Variants in DOCK4 observed in about 807,000 individuals in gnomAD.
DOCK4 encodes the protein dedicator of cytokinesis 4, also known as dedicator of cytokinesis protein 4.
In DOCK4, 97 loss-of-function variants were observed where a neutral mutation model predicts 268.1. The ratio of observed to expected loss-of-function variants is 0.36; its 90% CI spans 0.31 to 0.43. The LOEUF (loss-of-function observed/expected upper bound fraction) is 0.43. Among genes scored for constraint, DOCK4 ranks in the 20% least tolerant of loss-of-function variants. The pLI is 1.00. For synonymous variants in DOCK4, 954 were observed against 887.2 expected, an observed-to-expected ratio of 1.08 and a Z score of -1.34; for missense variants, 2,145 against 2,455.7, an observed-to-expected ratio of 0.87 and a Z score of 2.67.
At chr7:111,808,932 T>C (rs1800870287) in intron 29 of DOCK4, 53 bp from the exon 30 acceptor site, 2 of 1,563,478 alleles carry the variant, frequency 1.3e-6, no homozygotes, top group South Asian at 1.1e-5. Context: ...AACAAGGAAG[T>C]ATTTGTGTGT....
chr7:111,903,003 T>C lies in DOCK4; in HGVS notation c.1193-1202A>G, dbSNP rs536311938. On this transcript the variant is annotated intron_variant, in intron 13 of 52. Coordinates refer to ENST00000428084, the MANE Select transcript of DOCK4 (RefSeq NM_001363540.2). ...CCAGGGTGGTCTCGATCTCCTGACC[T>C]TGAATACTCTGTTTTCTAATAAAAA... is the stretch of plus-strand genomic sequence containing the variant. Among the ~76,000 whole-genome samples the C allele has an allele frequency of 4.6e-5, 7 of 152,328 alleles. No individual in the cohort carries two copies. The South Asian group carries it at 1.2e-3, about 27-fold the overall frequency.
intron 1 of DOCK4, among the ~76,000 whole-genome samples, chr7:112,056,715 G>A (rs1336203030): frequency 2.0e-5 from 3 of 152,120 alleles, no homozygotes; most frequent in South Asian, 2.1e-4. Context: ...GAAAGAAAAC[G>A]TGGATTAAAA....
In DOCK4 at chr7:112,059,423, C is replaced by T. The variant is rs566229697; in HGVS notation, c.38-55292G>A. ...TCCCAAAGTGCTGGGATTACAGGCGCGAGCCACCACCCCACCCGCGTTTCC... is the reference window on the plus strand; with the variant it reads ...TCCCAAAGTGCTGGGATTACAGGCGTGAGCCACCACCCCACCCGCGTTTCC... On this transcript the variant is annotated intron_variant, in intron 1 of 52. Transcript: ENST00000428084. Among the ~76,000 whole-genome samples the T allele has an allele frequency of 1.1e-4, 16 of 151,862 alleles. 1 individual carries two copies. The highest frequency in any genetic ancestry group is 2.1e-4 in the South Asian group (1 of 4,822).
intron 1 of DOCK4, among the ~76,000 whole-genome samples, chr7:112,173,187 C>A (rs530394820): frequency 6.6e-6 from 1 of 152,142 alleles, no homozygotes; most frequent in Non-Finnish European, 1.5e-5. Flanking sequence ...GACATTTTAT[C>A]CAAACACCAG....
intron 16 of DOCK4, among the ~76,000 whole-genome samples, chr7:111,882,176 T>A (rs1388466678): frequency 2.0e-5 from 3 of 152,162 alleles, no homozygotes; most frequent in Non-Finnish European, 4.4e-5. Flanking sequence ...TACCAAAATA[T>A]CTCATATACC....
At chr7:111,987,777 A>G (rs1799168622) in intron 6 of DOCK4, among the ~76,000 whole-genome samples, 1 of 152,254 alleles carries the variant, frequency 6.6e-6, no homozygotes, top group African/African-American at 2.4e-5. Context: ...CTAAGAAAGC[A>G]GAGCTCCCAG....
At chr7:112,020,481 A>C (rs1802219068) in intron 1 of DOCK4, among the ~76,000 whole-genome samples, 1 of 152,062 alleles carries the variant, frequency 6.6e-6, no homozygotes, top group Non-Finnish European at 1.5e-5. Flanking sequence ...GCTTATCCCG[A>C]CTGGTCTCGT....
chr7:112,137,944 GCA>G (rs1176432853), intron 1 of DOCK4, among the ~76,000 whole-genome samples: 5 of 152,152 alleles, frequency 3.3e-5, no homozygotes, highest in Admixed American at 1.3e-4. Context: ...ATAGTGCTTA[GCA>G]CACAGTCAAC....
In DOCK4 at chr7:111,868,157, T is replaced by C. The variant is rs1806125520; in HGVS notation, c.2110-3A>G. ...TACTTAAAAATGTATTCTTGTGCCT[T>C]AAAAATACAATTTTTAAAAGTTAGC... On this transcript the variant is annotated splice_region_variant and splice_polypyrimidine_tract_variant and intron_variant, in intron 21 of 52. Coordinates refer to ENST00000428084, the MANE Select transcript of DOCK4 (RefSeq NM_001363540.2). 1 of 1,567,164 alleles carries C rather than the reference T, an allele frequency of 6.4e-7. No individual in the cohort carries two copies. Among genetic ancestry groups the C allele is most frequent in the Non-Finnish European group, 8.6e-7 (1 of 1,158,626 alleles).
intron 1 of DOCK4, among the ~76,000 whole-genome samples, chr7:112,118,009 G>A (rs535024219): frequency 2.2e-4 from 34 of 152,208 alleles, no homozygotes; most frequent in Middle Eastern, 3.4e-3. Flanking sequence ...CCAGAGCCAG[G>A]AAAATCCATG....
intron 30 of DOCK4, among the ~76,000 whole-genome samples, chr7:111,800,146 CACTTTAAG>C (rs1223059113): frequency 1.3e-5 from 2 of 151,236 alleles, no homozygotes; most frequent in African/African-American, 4.9e-5. Context: ...TAATACAATG[CACTTTAAG>C]CTAGGAAAAG....
intron 1 of DOCK4, among the ~76,000 whole-genome samples, chr7:112,052,070 T>C (rs1278104933): frequency 2.0e-5 from 3 of 152,148 alleles, no homozygotes; most frequent in African/African-American, 7.2e-5. Flanking sequence ...CATCCCCCCA[T>C]ATACTTTAAA....
chr7:112,181,639 CAAAAAAA>C (rs55807955), intron 1 of DOCK4, among the ~76,000 whole-genome samples: 12 of 65,378 alleles, frequency 1.8e-4, no homozygotes, highest in African/African-American at 8.2e-4. Context: ...GACACTGTCT[CAAAAAAA>C]AAAAAAAAAA....
At chr7:112,138,296 A>G (rs1814554236) in intron 1 of DOCK4, among the ~76,000 whole-genome samples, 1 of 152,178 alleles carries the variant, frequency 6.6e-6, no homozygotes, top group Non-Finnish European at 1.5e-5. Flanking sequence ...AGTACTTACT[A>G]TTTTGTCACA....
intron 30 of DOCK4, among the ~76,000 whole-genome samples, chr7:111,791,461 T>G (rs1264906728): frequency 6.6e-6 from 1 of 151,876 alleles, no homozygotes; most frequent in South Asian, 2.1e-4. Context: ...TTTTTTGTTT[T>G]TTTTTTGACA....
intron 1 of DOCK4, among the ~76,000 whole-genome samples, chr7:112,145,238 T>C (rs1815355671): frequency 6.6e-6 from 1 of 152,154 alleles, no homozygotes; most frequent in Non-Finnish European, 1.5e-5. Flanking sequence ...AATGAGGATA[T>C]TTTATAGGCA....
intron 16 of DOCK4, among the ~76,000 whole-genome samples, chr7:111,878,040 G>C (rs1233798288): frequency 6.6e-6 from 1 of 152,160 alleles, no homozygotes; most frequent in Non-Finnish European, 1.5e-5. Context: ...ATCACATCTA[G>C]ATTCAACTTC....
intron 30 of DOCK4, among the ~76,000 whole-genome samples, chr7:111,793,009 C>G (rs1247350409): frequency 6.6e-5 from 10 of 152,208 alleles, no homozygotes; most frequent in African/African-American, 1.7e-4. Context: ...ATCAGTGAAG[C>G]TGTTGAAACA....
intron 1 of DOCK4, among the ~76,000 whole-genome samples, chr7:112,182,554 T>C (rs1220354784): frequency 6.6e-6 from 1 of 152,118 alleles, no homozygotes. Flanking sequence ...TTCTATACTG[T>C]GTGAACTTTT....
Sources: allele counts gnomAD v4.1 joint callset (sites outside exome capture counted in the v4.1 genomes callset), GRCh38; gene constraint gnomAD v4.1.1; transcripts MANE v1.5; gene names NCBI Gene and HGNC (gene_info 2026-07-23, HGNC 2026-07-21).